Variants in FBXW10B observed in about 807,000 individuals in gnomAD.
FBXW10B encodes F-box and WD repeat domain containing 10B.
the FBXW10B span, chr17:15,612,541 T>C: frequency 3.4e-6 from 2 of 591,216 alleles, no homozygotes; most frequent in African/African-American, 4.1e-5. Flanking sequence ...AGGAAGTGTC[T>C]TGCAAGTCAG....
the FBXW10B span, among the ~76,000 whole-genome samples, chr17:15,608,310 C>A: frequency 3.4e-5 from 5 of 147,406 alleles, no homozygotes; most frequent in South Asian, 1.2e-3. Flanking sequence ...TACAAGCGTG[C>A]ACCACCATGC....
At chr17:15,606,747 C>T in the FBXW10B span, among the ~76,000 whole-genome samples, 4 of 151,950 alleles carry the variant, frequency 2.6e-5, no homozygotes, top group African/African-American at 4.8e-5. Flanking sequence ...AACTAGTCAC[C>T]ATCTCTTCTA....
At chr17:15,584,819 G>A in the FBXW10B span, among the ~76,000 whole-genome samples, 3 of 152,046 alleles carry the variant, frequency 2.0e-5, no homozygotes, top group East Asian at 1.9e-4. Flanking sequence ...CTTCAACAAA[G>A]GTCAGAAACT....
the FBXW10B span, among the ~76,000 whole-genome samples, chr17:15,594,081 CAT>C: frequency 6.6e-6 from 1 of 151,960 alleles, no homozygotes; most frequent in Non-Finnish European, 1.5e-5. Context: ...TTTTATCTAA[CAT>C]ATAGATGATC....
chr17:15,579,494 G>T, the FBXW10B span, among the ~76,000 whole-genome samples: 3 of 152,102 alleles, frequency 2.0e-5, no homozygotes, highest in Non-Finnish European at 4.4e-5. Flanking sequence ...TCCAATGTGG[G>T]ATTTACACGG....
At chr17:15,591,808 C>T in the FBXW10B span, among the ~76,000 whole-genome samples, 2 of 152,276 alleles carry the variant, frequency 1.3e-5, no homozygotes, top group South Asian at 4.1e-4. Context: ...TTCATAGACC[C>T]TCCACACAGA....
At chr17:15,613,860 G>C in the FBXW10B span, 10 of 1,607,636 alleles carry the variant, frequency 6.2e-6, no homozygotes, top group Non-Finnish European at 8.5e-6. Flanking sequence ...AGGTGGATGG[G>C]CAGGTAACGG....
At chr17:15,614,212 G>A in the FBXW10B span, among the ~76,000 whole-genome samples, 5 of 151,550 alleles carry the variant, frequency 3.3e-5, no homozygotes, top group Admixed American at 6.6e-5. Context: ...TTTTTGAGAC[G>A]GAGTCTCGCT....
At chr17:15,573,497 T>C in the FBXW10B span, 1 of 152,342 alleles carries the variant, frequency 6.6e-6, no homozygotes, top group East Asian at 1.9e-4. Flanking sequence ...TTTTCCAGAA[T>C]TGTACATACA....
the FBXW10B span, among the ~76,000 whole-genome samples, chr17:15,618,686 C>A: frequency 6.6e-6 from 1 of 152,150 alleles, no homozygotes; most frequent in Non-Finnish European, 1.5e-5. Flanking sequence ...AGGAACGACA[C>A]CAGCATTAAG....
At chr17:15,591,323 T>C in the FBXW10B span, among the ~76,000 whole-genome samples, 1 of 152,218 alleles carries the variant, frequency 6.6e-6, no homozygotes, top group East Asian at 1.9e-4. Context: ...GGCGTCTCGC[T>C]CTGTCGCCCA....
the FBXW10B span, among the ~76,000 whole-genome samples, chr17:15,586,766 G>A: frequency 1.3e-5 from 2 of 151,630 alleles, no homozygotes; most frequent in African/African-American, 2.4e-5. Context: ...TACCTTGGGG[G>A]AAATATGAAG....
At chr17:15,613,776 C>T in the FBXW10B span, 1 of 1,612,478 alleles carries the variant, frequency 6.2e-7, no homozygotes, top group Admixed American at 1.7e-5. Context: ...CCAGAAACCC[C>T]AGAACTGGGC....
chr17:15,608,611 G>A, the FBXW10B span, among the ~76,000 whole-genome samples: 3 of 151,964 alleles, frequency 2.0e-5, no homozygotes, highest in South Asian at 2.1e-4. Flanking sequence ...GTGCCACCAC[G>A]CCTGGCTAAT....
chr17:15,580,183 T>C, the FBXW10B span, among the ~76,000 whole-genome samples: 1 of 152,094 alleles, frequency 6.6e-6, no homozygotes, highest in African/African-American at 2.4e-5. Context: ...ATTTTTTTGT[T>C]CAAGAAAATT....
chr17:15,586,196 A>AT, the FBXW10B span, among the ~76,000 whole-genome samples: 1 of 151,446 alleles, frequency 6.6e-6, no homozygotes, highest in Non-Finnish European at 1.5e-5. Context: ...AAAAAGATTC[A>AT]TTTTTTCCTC....
the FBXW10B span, chr17:15,607,628 A>G: frequency 6.2e-7 from 1 of 1,613,726 alleles, no homozygotes; most frequent in Non-Finnish European, 8.5e-7. Context: ...TCTCTCCTCC[A>G]TCAGGACCTG....
the FBXW10B span, among the ~76,000 whole-genome samples, chr17:15,599,880 C>T: frequency 6.6e-6 from 1 of 152,040 alleles, no homozygotes; most frequent in Admixed American, 6.6e-5. Flanking sequence ...AATTACTGAA[C>T]TACCACTTAC....
the FBXW10B span, among the ~76,000 whole-genome samples, chr17:15,614,721 T>C: frequency 2.0e-5 from 3 of 152,352 alleles, no homozygotes; most frequent in Admixed American, 2.0e-4. Flanking sequence ...TGGGTGGTTA[T>C]CATACTGTTC....
Sources: allele counts gnomAD v4.1 joint callset (sites outside exome capture counted in the v4.1 genomes callset), GRCh38; gene constraint gnomAD v4.1.1; transcripts MANE v1.5; gene names NCBI Gene and HGNC (gene_info 2026-07-23, HGNC 2026-07-21).